WWOX: variants seen among roughly 807,000 people sequenced by gnomAD.
WWOX encodes WW domain-containing oxidoreductase.
Under a neutral mutation model 46.2 loss-of-function variants are expected in WWOX, and 69 were observed. That is an observed-to-expected ratio of 1.49 (90% CI 1.23 to 1.82). WWOX has a LOEUF of 1.82. Among genes scored for constraint, WWOX ranks in the 40% most tolerant of loss-of-function variants. WWOX has a pLI of 0.00. For synonymous variants in WWOX, 359 were observed against 202.6 expected (o/e 1.77, Z -6.56); for missense variants, 919 against 542.6 (o/e 1.69, Z -6.89).
chr16:78,956,522 G>A (rs565753754), intron 8 of WWOX, among the ~76,000 whole-genome samples: 1 of 152,072 alleles, frequency 6.6e-6, no homozygotes, highest in Admixed American at 6.5e-5. Flanking sequence ...AGGTTCATTA[G>A]GTTCACAGTT....
intron 8 of WWOX, among the ~76,000 whole-genome samples, chr16:78,639,913 G>C (rs1356783707): frequency 1.3e-5 from 2 of 152,104 alleles, no homozygotes; most frequent in African/African-American, 4.8e-5. Flanking sequence ...AGATAGAGTG[G>C]TGATCTAATG....
intron 8 of WWOX, among the ~76,000 whole-genome samples, chr16:78,757,214 T>C (rs2049673215): frequency 6.6e-6 from 1 of 152,168 alleles, no homozygotes; most frequent in Non-Finnish European, 1.5e-5. Flanking sequence ...CCCACTTAGT[T>C]TTGGGATAAT....
At position 79,204,408 on chromosome 16, in the gene WWOX, G is replaced by T. The variant is rs532356100; in HGVS notation, c.1057-7200G>T. The stretch of plus-strand genomic sequence containing the variant: ...GAAGCCGTTTCTTTTTCCTTCCCTC[G>T]TTAGGAGTACCCTCACCCTAACCCC... On this transcript the variant is annotated intron_variant, in intron 8 of 8. Coordinates refer to ENST00000566780, the MANE Select transcript of WWOX (RefSeq NM_016373.4). 2.0e-5 allele frequency: 3 copies of T among 152,008 alleles called. No homozygotes were observed. The East Asian group carries it at 5.8e-4, about 29-fold the overall frequency. The allele number at this position is 152,008 out of a possible 1,614,324, so 9.4% of individuals were successfully genotyped here.
At chr16:79,149,035 G>A (rs1400472287) in intron 8 of WWOX, among the ~76,000 whole-genome samples, 3 of 151,356 alleles carry the variant, frequency 2.0e-5, no homozygotes, top group Admixed American at 2.0e-4. Context: ...TTTTTTTATT[G>A]CCTTATTGTA....
At position 78,621,592 on chromosome 16, in the gene WWOX, C is replaced by CTTTTTTTTTTTT; in HGVS notation, c.1056+188859_1056+188870dup. 7.1e-3 allele frequency among the ~76,000 whole-genome samples: 225 copies of CTTTTTTTTTTTT among 31,544 alleles called. 71 individuals are homozygous for CTTTTTTTTTTTT. The highest frequency in any genetic ancestry group is 8.5e-3 in the Non-Finnish European group (145 of 17,068). 20.7% of individuals were successfully genotyped at this position (31,544 alleles called of 152,430 possible). On this transcript the variant is annotated intron_variant, in intron 8 of 8. Coordinates refer to ENST00000566780, the MANE Select transcript of WWOX (RefSeq NM_016373.4). ...ACCTTTAACCTTGTGTTGTTCTAATCTTTTTTTTTTTTTTTTTTTTTTTTT... is the reference window on the plus strand; with the variant it reads ...ACCTTTAACCTTGTGTTGTTCTAATCTTTTTTTTTTTTTTTTTTTTTTTTTTTTTTTTTTTTT...
intron 8 of WWOX, among the ~76,000 whole-genome samples, chr16:78,540,680 C>G (rs1364665422): frequency 6.6e-6 from 1 of 151,250 alleles, no homozygotes; most frequent in Non-Finnish European, 1.5e-5. Context: ...CAAATTTTAT[C>G]TAGTGGATAT....
chr16:79,163,808 AAAAAAAAAAG>A (rs900213626), intron 8 of WWOX, among the ~76,000 whole-genome samples: 4 of 149,962 alleles, frequency 2.7e-5, no homozygotes, highest in African/African-American at 5.0e-5. Flanking sequence ...AAAAAAAAAA[AAAAAAAAAAG>A]AGAGAGAGAA....
intron 8 of WWOX, among the ~76,000 whole-genome samples, chr16:78,928,175 T>A (rs916479027): frequency 6.6e-6 from 1 of 151,886 alleles, no homozygotes; most frequent in Non-Finnish European, 1.5e-5. Flanking sequence ...ATAAAGTGTT[T>A]GGAACTATGC....
intron 8 of WWOX, among the ~76,000 whole-genome samples, chr16:79,010,716 A>G (rs891284183): frequency 3.4e-5 from 5 of 147,850 alleles, no homozygotes; most frequent in Admixed American, 2.0e-4. Context: ...AGGTTTGGCC[A>G]TGGGTACCAA....
intron 8 of WWOX, among the ~76,000 whole-genome samples, chr16:79,117,752 A>T (rs1306631255): frequency 6.6e-6 from 1 of 152,174 alleles, no homozygotes; most frequent in Non-Finnish European, 1.5e-5. Flanking sequence ...CTTTTTTGTT[A>T]TGGAGACGGC....
In WWOX at chr16:78,128,625, C is replaced by T. The variant is rs141868562; in HGVS notation, c.409+13471C>T. Among the ~76,000 whole-genome samples the T allele has an allele frequency of 9.1e-4, 139 of 152,286 alleles. No homozygotes were observed. In the East Asian group the frequency reaches 0.019, roughly 21 times the overall value. On this transcript the variant is annotated intron_variant, in intron 4 of 8. Transcript: ENST00000566780. ...TGCTTATATAACATCAACAGAATTGCTGGCCACATCTTGATTATAGAAACT... is the reference window on the plus strand; with the variant it reads ...TGCTTATATAACATCAACAGAATTGTTGGCCACATCTTGATTATAGAAACT...
At chr16:78,122,404 T>C (rs910258652) in intron 4 of WWOX, among the ~76,000 whole-genome samples, 1 of 152,148 alleles carries the variant, frequency 6.6e-6, no homozygotes, top group South Asian at 2.1e-4. Flanking sequence ...AACTATTGTT[T>C]AATGACAAAG....
rs192566441 is a variant in WWOX, at chr16:78,162,455, C to T, written c.410-1728C>T. Among the ~76,000 whole-genome samples, 233 of 146,392 alleles carry T rather than the reference C, an allele frequency of 1.6e-3. 1 individual carries two copies. Among genetic ancestry groups the T allele is most frequent in the African/African-American group, 2.8e-3 (114 of 40,286 alleles). ...ACACTCACATATATATTTCTGTTTGCGGCTCACACAGACATAAATATATAT... is the reference window on the plus strand; with the variant it reads ...ACACTCACATATATATTTCTGTTTGTGGCTCACACAGACATAAATATATAT... On this transcript the variant is annotated intron_variant, in intron 4 of 8. Transcript: ENST00000566780.
At chr16:78,859,679 A>G (rs920751982) in intron 8 of WWOX, among the ~76,000 whole-genome samples, 18 of 152,160 alleles carry the variant, frequency 1.2e-4, no homozygotes, top group African/African-American at 4.3e-4. Flanking sequence ...AGGGCGAGTA[A>G]TGTACTCAAA....
chr16:78,380,442 C>T (rs2081929164), intron 5 of WWOX, among the ~76,000 whole-genome samples: 1 of 152,044 alleles, frequency 6.6e-6, no homozygotes, highest in Non-Finnish European at 1.5e-5. Flanking sequence ...TGCTGTGGGG[C>T]AAGGACTGAA....
At chr16:78,132,655 T>C (rs1285342541) in intron 4 of WWOX, among the ~76,000 whole-genome samples, 1 of 152,202 alleles carries the variant, frequency 6.6e-6, no homozygotes, top group Non-Finnish European at 1.5e-5. Flanking sequence ...AGTGGCAGCC[T>C]TACCCATTTT....
Position 78,807,011 on chromosome 16 carries a change from A to C in WWOX, c.1056+374259A>C, listed in dbSNP as rs139922393. Among the ~76,000 whole-genome samples the C allele has an allele frequency of 9.6e-4, 147 of 152,332 alleles. 1 individual carries two copies. Among genetic ancestry groups the C allele is most frequent in the African/African-American group, 3.3e-3 (138 of 41,576 alleles). ...GCTCATCTATGAAATGGGGGACACT[A>C]ATGCTGACCCCACATTTGTGCTGAG... On this transcript the variant is annotated intron_variant, in intron 8 of 8. Transcript: ENST00000566780.
At chr16:78,993,906 A>G (rs1370951838) in intron 8 of WWOX, among the ~76,000 whole-genome samples, 10 of 152,024 alleles carry the variant, frequency 6.6e-5, no homozygotes, top group South Asian at 2.1e-4. Flanking sequence ...TGCAGGCATT[A>G]TTTCCAGTGT....
intron 8 of WWOX, among the ~76,000 whole-genome samples, chr16:78,734,529 G>C (rs2049038976): frequency 6.6e-6 from 1 of 151,990 alleles, no homozygotes; most frequent in African/African-American, 2.4e-5. Context: ...TGGGACCTCA[G>C]ACCTTGGACC....
Sources: gnomAD v4.1 joint callset for allele counts (sites outside exome capture counted in the v4.1 genomes callset) on GRCh38, gnomAD v4.1.1 for gene constraint, MANE v1.5 for transcripts, NCBI Gene and HGNC (gene_info 2026-07-23, HGNC 2026-07-21) for gene names.